The following KCNAB1 variants were observed in gnomAD, a reference collection of about 807,000 sequenced individuals.
The protein encoded by KCNAB1 is voltage-gated potassium channel subunit beta-1.
Under a neutral mutation model 64.6 loss-of-function variants are expected in KCNAB1, and 35 were observed. The observed-to-expected ratio is 0.54, with a 90% CI of 0.41 to 0.72. The LOEUF (loss-of-function observed/expected upper bound fraction) is 0.72. Among genes scored for constraint, KCNAB1 ranks in the 30% least tolerant of loss-of-function variants. The pLI, the probability that KCNAB1 is intolerant of heterozygous loss-of-function variation, is 0.00. For missense variants in KCNAB1, 401 were observed against 512.9 expected (o/e 0.78, Z 2.11); for synonymous variants, 177 against 183.8 (o/e 0.96, Z 0.30).
chr3:156,336,994 T>C (rs986748654), intron 1 of KCNAB1, among the ~76,000 whole-genome samples: 8 of 152,232 alleles, frequency 5.3e-5, no homozygotes, highest in African/African-American at 1.9e-4. Context: ...TGTGAAGAAT[T>C]GGTCGGCAAG....
chr3:156,178,364 G>C (rs1297348166), intron 1 of KCNAB1, among the ~76,000 whole-genome samples: 2 of 152,188 alleles, frequency 1.3e-5, no homozygotes, highest in African/African-American at 4.8e-5. Flanking sequence ...CTTTGATTCT[G>C]AGGTTTTACT....
At chr3:156,228,645 C>A (rs971335020) in intron 1 of KCNAB1, among the ~76,000 whole-genome samples, 3 of 152,108 alleles carry the variant, frequency 2.0e-5, no homozygotes, top group Non-Finnish European at 2.9e-5. Flanking sequence ...TGAAAGGCTC[C>A]AAAGGTTTAC....
rs559858608 is a variant in KCNAB1, at chr3:156,315,325, C to T, written c.276-106291C>T. On this transcript the variant is annotated intron_variant, in intron 1 of 13. Coordinates refer to ENST00000490337, the MANE Select transcript of KCNAB1 (RefSeq NM_172160.3). ...GTACTGGGGTATAGGCTATAGTACA[C>T]TCAGGCACTCAGGGGCTCTGGATTT... is the stretch of plus-strand genomic sequence containing the variant. Among the ~76,000 whole-genome samples, 9 of 152,278 alleles carry T rather than the reference C, an allele frequency of 5.9e-5. 1 individual carries two copies. The South Asian group carries it at 8.3e-4, about 14-fold the overall frequency.
chr3:156,296,955 A>G (rs767486404), intron 1 of KCNAB1, among the ~76,000 whole-genome samples: 2 of 152,202 alleles, frequency 1.3e-5, no homozygotes, highest in Admixed American at 1.3e-4. Flanking sequence ...TTGATGATCC[A>G]TATGGTTTGG....
chr3:156,153,773 T>A (rs1033024344), intron 1 of KCNAB1, among the ~76,000 whole-genome samples: 2 of 152,206 alleles, frequency 1.3e-5, no homozygotes, highest in East Asian at 3.9e-4. Context: ...CTTCCGGCTT[T>A]TGGGTCCAAA....
At chr3:156,141,911 T>C (rs962125897) in intron 1 of KCNAB1, among the ~76,000 whole-genome samples, 15 of 152,248 alleles carry the variant, frequency 9.9e-5, no homozygotes, top group African/African-American at 3.6e-4. Context: ...TCTGAATCTT[T>C]GACAGCATTT....
chr3:156,235,427 A>T (rs1384611854), intron 1 of KCNAB1, among the ~76,000 whole-genome samples: 1 of 152,192 alleles, frequency 6.6e-6, no homozygotes, highest in African/African-American at 2.4e-5. Context: ...ACAAGGTGCC[A>T]TAAACTTGAC....
intron 1 of KCNAB1, among the ~76,000 whole-genome samples, chr3:156,202,733 T>G (rs895132859): frequency 5.3e-5 from 8 of 152,228 alleles, no homozygotes; most frequent in African/African-American, 1.7e-4. Flanking sequence ...TAATATTGTT[T>G]ATTCCTACTG....
upstream of KCNAB1, among the ~76,000 whole-genome samples, chr3:156,118,755 G>A (rs192290884): frequency 4.8e-4 from 73 of 152,350 alleles, no homozygotes; most frequent in South Asian, 1.0e-3. Flanking sequence ...AATGAGCATA[G>A]TGCCCTTTCC....
intron 1 of KCNAB1, among the ~76,000 whole-genome samples, chr3:156,252,956 A>G (rs917578006): frequency 6.6e-6 from 1 of 152,262 alleles, no homozygotes; most frequent in African/African-American, 2.4e-5. Flanking sequence ...ACCTGTAGTT[A>G]AACTCCAAAG....
intron 1 of KCNAB1, among the ~76,000 whole-genome samples, chr3:156,286,603 C>T (rs1460901850): frequency 1.3e-5 from 2 of 152,038 alleles, no homozygotes; most frequent in Admixed American, 6.6e-5. Flanking sequence ...TTTTTTTAAG[C>T]AACAGGAATA....
At chr3:156,470,045 G>A (rs193134132) in intron 7 of KCNAB1, among the ~76,000 whole-genome samples, 8 of 152,326 alleles carry the variant, frequency 5.3e-5, no homozygotes, top group Admixed American at 3.9e-4. Flanking sequence ...GGCCACTTCT[G>A]TGCTGGGTGA....
intron 1 of KCNAB1, among the ~76,000 whole-genome samples, chr3:156,314,017 AAC>A (rs1722110137): frequency 1.3e-5 from 2 of 152,188 alleles, no homozygotes; most frequent in South Asian, 4.1e-4. Context: ...CTCTGTGTGT[AAC>A]ACTCCCATTC....
chr3:156,342,599 T>TC (rs1417413869), intron 1 of KCNAB1, among the ~76,000 whole-genome samples: 1 of 133,964 alleles, frequency 7.5e-6, no homozygotes, highest in Non-Finnish European at 1.5e-5. Flanking sequence ...TTTTTTTTTT[T>TC]TTTTTTTTAA....
intron 1 of KCNAB1, among the ~76,000 whole-genome samples, chr3:156,158,179 A>AAAATAAATAAAT (rs58622682): frequency 1.6e-5 from 1 of 60,662 alleles, no homozygotes; most frequent in African/African-American, 4.6e-5. Context: ...AAAAAAATAA[A>AAAATAAATAAAT]AAATAAATAA....
intron 8 of KCNAB1, among the ~76,000 whole-genome samples, chr3:156,501,571 A>G (rs1235321854): frequency 6.6e-6 from 1 of 151,644 alleles, no homozygotes; most frequent in Non-Finnish European, 1.5e-5. Context: ...ATCTGGGATT[A>G]CAGGCATGTG....
chr3:156,269,301 A>T (rs1467130697), intron 1 of KCNAB1, among the ~76,000 whole-genome samples: 2 of 152,150 alleles, frequency 1.3e-5, no homozygotes, highest in Non-Finnish European at 2.9e-5. Context: ...TAGTTTCCAA[A>T]ATTCCTCTTG....
chr3:156,465,848 A>T (rs886260813), intron 7 of KCNAB1, among the ~76,000 whole-genome samples, 162 bp downstream of exon 7: 2 of 152,186 alleles, frequency 1.3e-5, no homozygotes, highest in African/African-American at 2.4e-5. Flanking sequence ...GGGAATGCAG[A>T]GATGTAGAGG....
intron 1 of KCNAB1, among the ~76,000 whole-genome samples, chr3:156,396,748 CAATT>C (rs1213018185): frequency 6.6e-6 from 1 of 152,144 alleles, no homozygotes; most frequent in Non-Finnish European, 1.5e-5. Context: ...TTTCCAATGA[CAATT>C]AATTATTCTA....
Sources: gnomAD v4.1 joint callset for allele counts (sites outside exome capture counted in the v4.1 genomes callset) on GRCh38, gnomAD v4.1.1 for gene constraint, MANE v1.5 for transcripts, NCBI Gene and HGNC (gene_info 2026-07-23, HGNC 2026-07-21) for gene names.